PCBP3: variants seen among roughly 807,000 people sequenced by gnomAD.
PCBP3 encodes poly(rC)-binding protein 3.
Under a neutral mutation model 52.7 loss-of-function variants are expected in PCBP3, and 25 were observed. The ratio of observed to expected loss-of-function variants is 0.47; its 90% CI spans 0.35 to 0.66. PCBP3 has a LOEUF of 0.66. Ranked by LOEUF, PCBP3 falls within the 30% of genes least tolerant of loss-of-function variation. PCBP3 has a pLI of 0.01. For missense variants in PCBP3, 391 were observed against 490.3 expected (o/e 0.80, Z 1.91); for synonymous variants, 162 against 183.0 (o/e 0.89, Z 0.93).
intron 2 of PCBP3, among the ~76,000 whole-genome samples, chr21:45,710,275 G>A (rs1419495293): frequency 1.3e-5 from 2 of 152,102 alleles, no homozygotes; most frequent in African/African-American, 4.8e-5. Flanking sequence ...TTACCATTAG[G>A]TATATATCTC....
chr21:45,853,224 T>C lies in PCBP3; in HGVS notation c.10+3129T>C, dbSNP rs1234469626. 1.3e-5 allele frequency among the ~76,000 whole-genome samples: 2 copies of C among 152,118 alleles called. No homozygotes were observed. Among genetic ancestry groups the C allele is most frequent in the Non-Finnish European group, 2.9e-5 (2 of 68,024 alleles). ...GACAGATGCACACAGCATCTCCTTG[T>C]TGTGCTCCGTGGATGTCGGGGTGGA... On this transcript the variant is annotated intron_variant, in intron 5 of 17. Coordinates refer to ENST00000681687, the MANE Select transcript of PCBP3 (RefSeq NM_001384156.1). The surrounding 1 kb of genome is among the most constrained non-coding windows in gnomAD (Gnocchi z 4.6).
chr21:45,674,709 G>A (rs568053492), intron 2 of PCBP3, among the ~76,000 whole-genome samples: 1 of 152,320 alleles, frequency 6.6e-6, no homozygotes, highest in Admixed American at 6.5e-5. Flanking sequence ...GATAAGCCAT[G>A]TATTATTCAT....
intron 4 of PCBP3, among the ~76,000 whole-genome samples, chr21:45,843,227 G>C (rs1471255979): frequency 1.4e-5 from 2 of 145,802 alleles, no homozygotes; most frequent in East Asian, 3.8e-4. Flanking sequence ...AATAGGGAGA[G>C]AGGTGTCTAT....
chr21:45,795,309 CTTT>C (rs1365755964), intron 4 of PCBP3, among the ~76,000 whole-genome samples: 1 of 124,084 alleles, frequency 8.1e-6, no homozygotes, highest in African/African-American at 3.2e-5. Context: ...TTGTCTTCTT[CTTT>C]TTCTTTTTTT....
intron 2 of PCBP3, among the ~76,000 whole-genome samples, chr21:45,700,451 C>CCTCT (rs1440835975): frequency 3.7e-4 from 56 of 152,270 alleles, no homozygotes; most frequent in African/African-American, 1.3e-3. Flanking sequence ...CTGGAAGCAG[C>CCTCT]CCACAGATGG....
chr21:45,877,758 G>A (rs1480289373), intron 5 of PCBP3, among the ~76,000 whole-genome samples: 2 of 152,118 alleles, frequency 1.3e-5, no homozygotes, highest in African/African-American at 4.8e-5. Context: ...GTGAGCTGCT[G>A]TACTCCAACC....
intron 2 of PCBP3, among the ~76,000 whole-genome samples, chr21:45,720,770 C>T (rs1050679024): frequency 1.3e-5 from 2 of 152,224 alleles, no homozygotes; most frequent in African/African-American, 2.4e-5. Context: ...AGCAGCTCAG[C>T]ACTTGCACAC....
chr21:45,931,690 C>T (rs773706757), intron 15 of PCBP3, among the ~76,000 whole-genome samples: 16 of 152,132 alleles, frequency 1.1e-4, no homozygotes, highest in South Asian at 2.1e-4. Context: ...TGAACAAACA[C>T]GTCGGCCATG....
At chr21:45,801,361 T>G (rs1425738441) in intron 4 of PCBP3, among the ~76,000 whole-genome samples, 1 of 152,218 alleles carries the variant, frequency 6.6e-6, no homozygotes, top group African/African-American at 2.4e-5. Flanking sequence ...AGCCAGTGTC[T>G]GGGCTGGCCC....
chr21:45,824,198 G>A (rs2093240896), intron 4 of PCBP3, among the ~76,000 whole-genome samples: 1 of 152,164 alleles, frequency 6.6e-6, no homozygotes. Flanking sequence ...TGGGAGTCCT[G>A]CCTCCTGCAT....
rs570706117 is a variant in PCBP3, at chr21:45,880,306, G to A, written c.11-15902G>A. Among the ~76,000 whole-genome samples, 141 of 152,290 alleles carry A rather than the reference G, an allele frequency of 9.3e-4. No homozygotes were observed. Among genetic ancestry groups the A allele is most frequent in the African/African-American group, 3.2e-3 (135 of 41,554 alleles). On this transcript the variant is annotated intron_variant, in intron 5 of 17. Coordinates refer to ENST00000681687, the MANE Select transcript of PCBP3 (RefSeq NM_001384156.1). The surrounding 1 kb of genome is among the most constrained non-coding windows in gnomAD (Gnocchi z 5.4). Reference sequence around the variant, plus strand: ...CGGAGGGGAGGGGAGCGCCTGGGGCGCCGCGGTCCTGACCCCACACAACTT... The same window carrying A: ...CGGAGGGGAGGGGAGCGCCTGGGGCACCGCGGTCCTGACCCCACACAACTT...
intron 2 of PCBP3, among the ~76,000 whole-genome samples, chr21:45,723,601 C>G (rs766325203): frequency 7.9e-5 from 12 of 152,182 alleles, no homozygotes; most frequent in Non-Finnish European, 1.8e-4. Context: ...TATATTGACA[C>G]ATACCTGAAG....
At chr21:45,762,301 C>T in intron 4 of PCBP3, 1 of 152,306 alleles carries the variant, frequency 6.6e-6, no homozygotes, top group East Asian at 1.9e-4. Flanking sequence ...TTGCCATTCA[C>T]TTTTCCTGAG....
chr21:45,766,273 G>C (rs1037323739), intron 4 of PCBP3, among the ~76,000 whole-genome samples: 2 of 152,226 alleles, frequency 1.3e-5, no homozygotes, highest in African/African-American at 2.4e-5. Flanking sequence ...GCGATGGACC[G>C]GATTGTGCCC....
chr21:45,662,539 G>C (rs1235556337), intron 1 of PCBP3, among the ~76,000 whole-genome samples: 1 of 151,766 alleles, frequency 6.6e-6, no homozygotes, highest in Non-Finnish European at 1.5e-5. Context: ...GGCACGAGCT[G>C]TTCCAGTATA....
At chr21:45,727,647 C>T (rs967140768) in intron 2 of PCBP3, among the ~76,000 whole-genome samples, 1 of 152,042 alleles carries the variant, frequency 6.6e-6, no homozygotes, top group Admixed American at 6.6e-5. Context: ...AGGGTCTGTC[C>T]CTAGTTGTCT....
At chr21:45,812,417 C>T (rs1348342955) in intron 4 of PCBP3, among the ~76,000 whole-genome samples, 1 of 152,112 alleles carries the variant, frequency 6.6e-6, no homozygotes, top group Non-Finnish European at 1.5e-5. Flanking sequence ...GTGTTGTTGT[C>T]GTTTTTGAGA....
At chr21:45,906,048 T>G (rs377580426) in intron 9 of PCBP3, among the ~76,000 whole-genome samples, 34 of 152,334 alleles carry the variant, frequency 2.2e-4, no homozygotes, top group African/African-American at 7.5e-4. Context: ...TTAGGTCTTC[T>G]AAGTCTTAAT....
rs2149478345 is a variant in PCBP3, at chr21:45,928,789, A to G, written c.718-1128A>G. 6.6e-6 allele frequency among the ~76,000 whole-genome samples: 1 copy of G among 152,294 alleles called. No individual in the cohort carries two copies. The highest frequency in any genetic ancestry group is 1.9e-4 in the East Asian group (1 of 5,162). On this transcript the variant is annotated intron_variant, in intron 13 of 17. Coordinates refer to ENST00000681687, the MANE Select transcript of PCBP3 (RefSeq NM_001384156.1). This position sits in a 1 kb window ranked among gnomAD's most constrained non-coding sequence, Gnocchi z 4.1. ...GGCTGTGGGTCGCAGGAGTCCACAC[A>G]CAGCCACGCTGGGATTTATTTGGGT...
Sources: allele counts gnomAD v4.1 joint callset (sites outside exome capture counted in the v4.1 genomes callset), GRCh38; gene constraint gnomAD v4.1.1; non-coding constraint Gnocchi (gnomAD v3.1); transcripts MANE v1.5; gene names NCBI Gene and HGNC (gene_info 2026-07-23, HGNC 2026-07-21).